Variants in WDFY3 observed in about 807,000 individuals in gnomAD.
WDFY3 encodes the protein WD repeat and FYVE domain containing 3.
A neutral mutation model predicts 409.6 loss-of-function variants in WDFY3; 66 were observed. The observed-to-expected ratio is 0.16, with a 90% CI of 0.13 to 0.20. The LOEUF is 0.20. Ranked by LOEUF, WDFY3 falls within the 10% of genes least tolerant of loss-of-function variation. The pLI is 1.00. For missense variants in WDFY3, 3,031 were observed against 4,298.1 expected (o/e 0.71, Z 8.24); for synonymous variants, 1,521 against 1,537.1 (o/e 0.99, Z 0.25).
chr4:84,943,365 G>A (rs572534711), intron 1 of WDFY3, among the ~76,000 whole-genome samples: 58 of 152,096 alleles, frequency 3.8e-4, no homozygotes, highest in Non-Finnish European at 6.3e-4. Context: ...CTAGCTGGGC[G>A]TGGTGGTGGG....
chr4:84,911,612 C>A (rs1315082015), intron 2 of WDFY3, among the ~76,000 whole-genome samples: 1 of 152,076 alleles, frequency 6.6e-6, no homozygotes, highest in African/African-American at 2.4e-5. Flanking sequence ...TGTGAATTTT[C>A]TCAATAAATA....
chr4:84,798,402 C>A (rs1749889551), intron 17 of WDFY3, among the ~76,000 whole-genome samples: 1 of 151,986 alleles, frequency 6.6e-6, no homozygotes, highest in African/African-American at 2.4e-5. Flanking sequence ...AGACTAATTA[C>A]AATACAAAAA....
intron 1 of WDFY3, among the ~76,000 whole-genome samples, chr4:84,937,003 T>G (rs1257999812): frequency 6.6e-6 from 1 of 152,152 alleles, no homozygotes; most frequent in African/African-American, 2.4e-5. Context: ...TTCCAATCAT[T>G]AGAAAACAAA....
chr4:84,783,810 C>G (rs538673460), intron 24 of WDFY3, among the ~76,000 whole-genome samples: 1 of 151,794 alleles, frequency 6.6e-6, no homozygotes, highest in Admixed American at 6.6e-5. Flanking sequence ...CTGTTGTTCA[C>G]TATAGAGTTA....
intron 3 of WDFY3, among the ~76,000 whole-genome samples, chr4:84,889,654 T>A (rs1193638166): frequency 6.6e-6 from 1 of 152,214 alleles, no homozygotes; most frequent in African/African-American, 2.4e-5. Flanking sequence ...CCATTCACTA[T>A]CTATGTGACG....
At chr4:84,711,136 G>A (rs1197549912) in intron 51 of WDFY3, among the ~76,000 whole-genome samples, 1 of 152,134 alleles carries the variant, frequency 6.6e-6, no homozygotes, top group East Asian at 1.9e-4. Flanking sequence ...CTTTCCAGTC[G>A]ATTATAAAGG....
intron 3 of WDFY3, among the ~76,000 whole-genome samples, chr4:84,889,135 G>A (rs1764611077): frequency 6.6e-6 from 1 of 152,142 alleles, no homozygotes; most frequent in African/African-American, 2.4e-5. Flanking sequence ...TGATTGGCCT[G>A]ATTTATCGTA....
intron 34 of WDFY3, 144 bp from the exon 35 acceptor site, chr4:84,754,020 A>G (rs371209694): frequency 1.3e-6 from 1 of 798,652 alleles, no homozygotes; most frequent in African/African-American, 1.8e-5. Flanking sequence ...ATGAGCAAAC[A>G]CACATGTATA....
At chr4:84,782,098 A>G (rs1392714912) in intron 25 of WDFY3, among the ~76,000 whole-genome samples, 6 of 152,200 alleles carry the variant, frequency 3.9e-5, no homozygotes, top group Non-Finnish European at 8.8e-5. Flanking sequence ...AAACAAAAAT[A>G]ACGTTTTAAG....
rs2148684531 is a variant in WDFY3 at position 84,671,547 on chromosome 4, C to G, written c.*1321G>C. ...CATTTAAAAAAATCCCACCACCAAG[C>G]CTTTTCTCTGTAAACTAATCTCTTA... On this transcript the variant is annotated 3_prime_UTR_variant, in exon 68 of 68. Coordinates refer to ENST00000295888, the MANE Select transcript of WDFY3 (RefSeq NM_014991.6). 1 of 151,352 alleles carries G rather than the reference C, an allele frequency of 6.6e-6. No individual in the cohort carries two copies. Among genetic ancestry groups the G allele is most frequent in the East Asian group, 1.9e-4 (1 of 5,148 alleles). 9.4% of individuals were successfully genotyped at this position (151,352 alleles called of 1,614,324 possible). A position where few individuals can be genotyped will look rare whatever the true frequency, so the allele number is the denominator to read the frequency against.
intron 12 of WDFY3, 105 bp downstream of exon 12, chr4:84,819,980 G>T: frequency 1.9e-6 from 2 of 1,059,526 alleles, no homozygotes; most frequent in Non-Finnish European, 1.3e-6. Flanking sequence ...TGAATCAATA[G>T]TTTTTTCTCT....
At chr4:84,944,520 A>G (rs1772559909) in intron 1 of WDFY3, among the ~76,000 whole-genome samples, 1 of 151,706 alleles carries the variant, frequency 6.6e-6, no homozygotes, top group African/African-American at 2.4e-5. Context: ...CGAGAGTCAG[A>G]CCGTGTATCA....
chr4:84,774,803 AAAG>A lies in WDFY3; in HGVS notation c.4754+14_4754+16del. 6.3e-7 allele frequency: 1 copy of A among 1,579,440 alleles called. No homozygotes were observed. Among genetic ancestry groups the A allele is most frequent in the Non-Finnish European group, 8.6e-7 (1 of 1,168,890 alleles). ...TTTTAGTTAATAAAAAGACAAAGACAAAGAAGTTTTTCCTACCTGAGCAGATCA... is the reference window on the plus strand; with the variant it reads ...TTTTAGTTAATAAAAAGACAAAGACAAAGTTTTTCCTACCTGAGCAGATCA... On this transcript the variant is annotated intron_variant, in intron 29 of 67. Transcript: ENST00000295888.
chr4:84,707,612 T>C (rs1732185595), intron 53 of WDFY3, among the ~76,000 whole-genome samples: 2 of 152,232 alleles, frequency 1.3e-5, no homozygotes, highest in Non-Finnish European at 2.9e-5. Flanking sequence ...CATATTCAAA[T>C]ATGAGTTGAC....
chr4:84,883,624 T>A (rs1427156078), intron 3 of WDFY3, among the ~76,000 whole-genome samples: 3 of 152,144 alleles, frequency 2.0e-5, no homozygotes, highest in Non-Finnish European at 4.4e-5. Context: ...GCCTTTTATA[T>A]CATTACTGAA....
intron 6 of WDFY3, among the ~76,000 whole-genome samples, chr4:84,839,596 G>C (rs550450805): frequency 1.3e-5 from 2 of 151,576 alleles, no homozygotes; most frequent in African/African-American, 2.4e-5. Context: ...AGTGGCTCAC[G>C]CCTGTAATCC....
chr4:84,922,379 G>A (rs570433957), intron 2 of WDFY3, among the ~76,000 whole-genome samples: 30 of 152,064 alleles, frequency 2.0e-4, no homozygotes, highest in African/African-American at 6.5e-4. Context: ...GTCACACTAC[G>A]GCCTCCTCTC....
intron 13 of WDFY3, among the ~76,000 whole-genome samples, chr4:84,817,057 A>C (rs996837257): frequency 6.6e-6 from 1 of 152,174 alleles, no homozygotes; most frequent in African/African-American, 2.4e-5. Flanking sequence ...TCTAACATTC[A>C]TTTCACAGAT....
intron 55 of WDFY3, among the ~76,000 whole-genome samples, chr4:84,703,621 A>AG (rs1461629118): frequency 6.6e-6 from 1 of 152,134 alleles, no homozygotes; most frequent in East Asian, 1.9e-4. Flanking sequence ...CCCTTGCACA[A>AG]GCTCTTCCCT....
Sources: gnomAD v4.1 joint callset for allele counts (sites outside exome capture counted in the v4.1 genomes callset) on GRCh38, gnomAD v4.1.1 for gene constraint, MANE v1.5 for transcripts, NCBI Gene and HGNC (gene_info 2026-07-23, HGNC 2026-07-21) for gene names.